The following RNF213 variants were observed in gnomAD, a reference collection of about 807,000 sequenced individuals.
RNF213 encodes E3 ubiquitin-protein ligase RNF213.
Under a neutral mutation model 514.4 loss-of-function variants are expected in RNF213, and 341 were observed. The ratio of observed to expected loss-of-function variants is 0.66; its 90% CI spans 0.61 to 0.73. RNF213 has a LOEUF of 0.73. Ranked by LOEUF, RNF213 falls within the 30% of genes least tolerant of loss-of-function variation. The pLI, the probability that RNF213 is intolerant of heterozygous loss-of-function variation, is 0.00. For synonymous variants in RNF213, 2,655 were observed against 2,658.2 expected (o/e 1.00, Z 0.04); for missense variants, 5,767 against 6,615.6 (o/e 0.87, Z 4.45).
chr17:80,309,838 C>T (rs1199570194), intron 14 of RNF213, among the ~76,000 whole-genome samples: 1 of 152,066 alleles, frequency 6.6e-6, no homozygotes, highest in African/African-American at 2.4e-5. Context: ...TTACTGCAAG[C>T]TCCGCCTCCT....
intron 44 of RNF213, among the ~76,000 whole-genome samples, chr17:80,368,791 C>T (rs1454817384): frequency 6.6e-6 from 1 of 152,136 alleles, no homozygotes; most frequent in Non-Finnish European, 1.5e-5. Flanking sequence ...AGGATCAACC[C>T]ACTTCTTGTC....
Position 80,263,784 on chromosome 17 carries a change from G to A in RNF213, c.97+6G>A. 6.2e-7 allele frequency: 1 copy of A among 1,613,368 alleles called. No individual in the cohort carries two copies. The highest frequency in any genetic ancestry group is 8.5e-7 in the Non-Finnish European group (1 of 1,179,374). On this transcript the variant is annotated splice_donor_region_variant and intron_variant, in intron 2 of 67. Coordinates refer to ENST00000582970, the MANE Select transcript of RNF213 (RefSeq NM_001256071.3). The surrounding 1 kb of genome is among the most constrained non-coding windows in gnomAD (Gnocchi z 4.9). ...TCCTGCAGCCCCCATAGCAGGTGAG[G>A]CCCAGGGGTGCTGGTGGAGGCTGGG...
intron 57 of RNF213, chr17:80,382,023 A>G (rs562465708): frequency 4.0e-5 from 17 of 423,690 alleles, no homozygotes; most frequent in East Asian, 2.0e-4. Context: ...GCAAGTGTTC[A>G]GTGTGCATAT....
chr17:80,291,623 C>T lies in RNF213; in HGVS notation c.1272-5C>T. The T allele has an allele frequency of 6.2e-7, 1 of 1,614,168 alleles. No individual in the cohort carries two copies. The highest frequency in any genetic ancestry group is 1.1e-5 in the South Asian group (1 of 91,080). On this transcript the variant is annotated splice_region_variant and splice_polypyrimidine_tract_variant and intron_variant, in intron 7 of 67. Transcript: ENST00000582970. ...GATAGCCAACCGTATCCTGTTCATT[C>T]ACAGAGACTTGGGTCATGACCGCGT...
intron 10 of RNF213, among the ~76,000 whole-genome samples, chr17:80,296,441 G>T (rs1173064899): frequency 6.6e-6 from 1 of 152,198 alleles, no homozygotes; most frequent in African/African-American, 2.4e-5. Context: ...TGCAGAAGCA[G>T]CGTGAATGTT....
intron 21 of RNF213, 116 bp downstream of exon 21, chr17:80,332,747 A>G (rs561178418): frequency 1.6e-6 from 2 of 1,226,308 alleles, no homozygotes; most frequent in African/African-American, 3.0e-5. Context: ...AGCTTCCGTC[A>G]GGGGCTCCTG....
intron 40 of RNF213, 113 bp from the exon 41 acceptor site, chr17:80,363,496 A>C: frequency 7.5e-7 from 1 of 1,325,692 alleles, no homozygotes; most frequent in Middle Eastern, 2.5e-4. Context: ...TAGACAATGA[A>C]AGTTTAGGTC....
rs1470803904 is a variant in RNF213 at position 80,381,735 on chromosome 17, A to G, written c.13978+8A>G. 4 of 1,611,588 alleles carry G rather than the reference A, an allele frequency of 2.5e-6. No individual in the cohort carries two copies. In the African/African-American group the frequency reaches 5.3e-5, roughly 22 times the overall value. The stretch of plus-strand genomic sequence containing the variant: ...ACCAGCTCTCTAGCAGAAGTGAGGA[A>G]AGGGGCAAGGGCTGGGCGGGGATCA... On this transcript the variant is annotated splice_region_variant and intron_variant, in intron 57 of 67. Transcript: ENST00000582970.
At chr17:80,367,899 G>T (rs2079344632) in intron 43 of RNF213, 51 bp downstream of exon 43, 1 of 1,613,480 alleles carries the variant, frequency 6.2e-7, no homozygotes, top group South Asian at 1.1e-5. Context: ...AACCTCTCGT[G>T]GTTTTCACTT....
Position 80,332,107 on chromosome 17 carries a change from A to G in RNF213, c.3619A>G (p.Arg1207Gly). Reference protein sequence around the residue: ...VRLSTSSNSQRATHYHLSSQV... With the variant: ...VRLSTSSNSQGATHYHLSSQV... ...ACTGTCCACCTCCTCGAACTCGCAG[A>G]GGGCAACGCATTACCACCTGAGCTC... is the stretch of plus-strand genomic sequence containing the variant. Residue 1207 changes from arginine to glycine, a missense_variant, in exon 21 of 68, where the codon AGG becomes GGG. Arg to Gly is a moderately radical substitution (Grantham distance 125). This residue lies in a region of RNF213 where 516 missense variants were observed against 566.5 expected (regional missense o/e 0.91). Transcript: ENST00000582970. 6.5e-7 allele frequency: 1 copy of G among 1,537,234 alleles called. No individual in the cohort carries two copies. The highest frequency in any genetic ancestry group is 8.7e-7 in the Non-Finnish European group (1 of 1,146,922).
intron 25 of RNF213, 116 bp downstream of exon 25, chr17:80,338,113 C>T (rs957921306): frequency 1.4e-5 from 18 of 1,287,600 alleles, no homozygotes; most frequent in Non-Finnish European, 2.1e-6. Flanking sequence ...ATAAGAAGGG[C>T]TCTGCTCTTA....
chr17:80,365,563 C>T (rs530932118), intron 42 of RNF213, among the ~76,000 whole-genome samples: 1 of 151,882 alleles, frequency 6.6e-6, no homozygotes, highest in Non-Finnish European at 1.5e-5. Context: ...CCCGGACACG[C>T]ACACGCCACA....
At chr17:80,291,943 TTGCTC>T (rs758061621) in intron 8 of RNF213, 116 bp downstream of exon 8, 33 of 1,059,626 alleles carry the variant, frequency 3.1e-5, no homozygotes, top group African/African-American at 7.8e-5. Context: ...GAGGTCCTCT[TTGCTC>T]TGCATTGACC....
intron 3 of RNF213, among the ~76,000 whole-genome samples, chr17:80,282,461 C>T (rs2044335404): frequency 1.3e-5 from 2 of 152,000 alleles, no homozygotes; most frequent in Non-Finnish European, 2.9e-5. Context: ...TGCAGTGGCA[C>T]AATCTCGGCT....
chr17:80,341,429 T>C (rs1200399365), intron 26 of RNF213: 3 of 152,228 alleles, frequency 2.0e-5, no homozygotes, highest in Non-Finnish European at 4.4e-5. Context: ...CAGTACCTCG[T>C]CCTGTTGGGA....
In RNF213 at chr17:80,345,334, C is replaced by T; in HGVS notation, c.6999C>T (p.Ile2333=). The part of the protein sequence containing the change: ...QPNINGSVDA[I]SHLTGKVIKR... ...ACATCAACGGCAGTGTCGATGCCAT[C>T]AGTCACTTGACTGGGAAGGTCATCA... Residue 2333 remains isoleucine (I), a synonymous_variant, in exon 29 of 68, where the codon ATC becomes ATT. Coordinates refer to ENST00000582970, the MANE Select transcript of RNF213 (RefSeq NM_001256071.3). The surrounding 1 kb of genome is among the most constrained non-coding windows in gnomAD (Gnocchi z 6.0). 6 of 1,614,124 alleles carry T rather than the reference C, an allele frequency of 3.7e-6. No individual in the cohort carries two copies. Among genetic ancestry groups the T allele is most frequent in the Non-Finnish European group, 3.4e-6 (4 of 1,180,032 alleles).
intron 44 of RNF213, among the ~76,000 whole-genome samples, 194 bp from the exon 45 acceptor site, chr17:80,369,308 G>A (rs1043395506): frequency 1.2e-4 from 19 of 152,042 alleles, no homozygotes; most frequent in Admixed American, 1.2e-3. Flanking sequence ...TGAGGCAGGA[G>A]GATCACTTGA....
In RNF213 at chr17:80,307,993, C is replaced by T. The variant is rs377352825; in HGVS notation, c.2501+792C>T. Among the ~76,000 whole-genome samples, 43 of 151,838 alleles carry T rather than the reference C, an allele frequency of 2.8e-4. 1 individual carries two copies. The East Asian group carries it at 6.0e-3, about 21-fold the overall frequency. On this transcript the variant is annotated intron_variant, in intron 13 of 67. Transcript: ENST00000582970. ...CATGATACTGCATATGCCTGGTGGGCGTTCTGCATTTTTTTAATACTTAGT... is the reference window on the plus strand; with the variant it reads ...CATGATACTGCATATGCCTGGTGGGTGTTCTGCATTTTTTTAATACTTAGT...
chr17:80,285,405 C>T (rs936714652), intron 3 of RNF213, among the ~76,000 whole-genome samples: 32 of 152,298 alleles, frequency 2.1e-4, no homozygotes, highest in East Asian at 1.9e-4. Context: ...CGGGCAGGGA[C>T]GGCGTCATCG....
Sources: allele counts gnomAD v4.1 joint callset (sites outside exome capture counted in the v4.1 genomes callset), GRCh38; gene constraint gnomAD v4.1.1; regional missense constraint gnomAD v4.1.1; non-coding constraint Gnocchi (gnomAD v3.1); transcripts MANE v1.5; gene names NCBI Gene and HGNC (gene_info 2026-07-23, HGNC 2026-07-21).